Variants in CHEK1 observed in about 807,000 individuals in gnomAD.
The protein encoded by CHEK1 is serine/threonine-protein kinase Chk1.
CHEK1 carries 32 observed loss-of-function variants against 60.2 expected under a neutral mutation model. The observed-to-expected ratio is 0.53, with a 90% CI of 0.40 to 0.71. The LOEUF is 0.71. Ranked by LOEUF, CHEK1 falls within the 30% of genes least tolerant of loss-of-function variation. CHEK1 has a pLI of 0.00. For synonymous variants in CHEK1, 179 were observed against 187.2 expected, an observed-to-expected ratio of 0.96 and a Z score of 0.36; for missense variants, 399 against 564.6, an observed-to-expected ratio of 0.71 and a Z score of 2.97.
chr11:125,653,215 T>G lies in CHEK1; in HGVS notation c.1234-531T>G, dbSNP rs1046269040. 6.6e-6 allele frequency among the ~76,000 whole-genome samples: 1 copy of G among 152,138 alleles called. No individual in the cohort carries two copies. The highest frequency in any genetic ancestry group is 1.5e-5 in the Non-Finnish European group (1 of 68,022). ...TATTATCCTCATCTGTTTGCTTGGC[T>G]TTTTGTTTTGTTTTTTTGAGACAGG... On this transcript the variant is annotated intron_variant, in intron 11 of 12. Transcript: ENST00000438015. The surrounding 1 kb of genome is among the most constrained non-coding windows in gnomAD (Gnocchi z 4.3).
chr11:125,634,707 A>G (rs1174497340), intron 6 of CHEK1, among the ~76,000 whole-genome samples: 1 of 152,164 alleles, frequency 6.6e-6, no homozygotes, highest in Non-Finnish European at 1.5e-5. Context: ...GAGTGGTCCC[A>G]TCACCAGGAC....
At chr11:125,677,935 G>C (rs1440109173), downstream of CHEK1, 1 of 1,614,050 alleles carries the variant, frequency 6.2e-7, no homozygotes, top group African/African-American at 1.3e-5. Context: ...TCATCTGAAG[G>C]CTGTTCACCT....
At chr11:125,673,731 A>G (rs1218541237) in intron 13 of CHEK1, among the ~76,000 whole-genome samples, 1 of 152,192 alleles carries the variant, frequency 6.6e-6, no homozygotes, top group Admixed American at 6.5e-5. Flanking sequence ...AGTTTCCTTT[A>G]TATACTTCCT....
intron 5 of CHEK1, among the ~76,000 whole-genome samples, chr11:125,631,886 AAAGG>A (rs1271349414): frequency 6.7e-6 from 1 of 149,922 alleles, no homozygotes; most frequent in South Asian, 2.1e-4. Context: ...AAAAAAAAAA[AAAGG>A]GTAATCACAG....
chr11:125,643,500 GA>G (rs1222371143), intron 8 of CHEK1: 2,399 of 181,732 alleles, frequency 0.013, no homozygotes, highest in East Asian at 0.024. Flanking sequence ...CTCAAAAAAA[GA>G]AAAAAAAAAA....
chr11:125,651,286 C>CTT lies in CHEK1; in HGVS notation c.1234-2442_1234-2441dup, dbSNP rs59057522. 8.4e-3 allele frequency among the ~76,000 whole-genome samples: 1,071 copies of CTT among 128,136 alleles called. 22 individuals carry two copies. Among genetic ancestry groups the CTT allele is most frequent in the African/African-American group, 0.028 (933 of 32,862 alleles). The allele number at this position is 128,136 out of a possible 152,430, so 84.1% of individuals were successfully genotyped here. ...ACAAAGGTGAAATAAAGACAAGCCTCTTTTTTTTTTTTTTTTTTTGAGATG... is the reference window on the plus strand; with the variant it reads ...ACAAAGGTGAAATAAAGACAAGCCTCTTTTTTTTTTTTTTTTTTTTTGAGATG... On this transcript the variant is annotated intron_variant, in intron 11 of 12. Transcript: ENST00000438015.
chr11:125,662,640 C>T (rs1245044800), intron 13 of CHEK1, among the ~76,000 whole-genome samples: 1 of 152,202 alleles, frequency 6.6e-6, no homozygotes, highest in Non-Finnish European at 1.5e-5. Flanking sequence ...TGTTGAAGGA[C>T]ATCTTTGTTA....
At chr11:125,668,509 T>C (rs1221096741) in intron 13 of CHEK1, among the ~76,000 whole-genome samples, 2 of 152,124 alleles carry the variant, frequency 1.3e-5, no homozygotes, top group Admixed American at 6.5e-5. Flanking sequence ...TTTTTAAAAT[T>C]TCATTTTAAT....
intron 2 of CHEK1, among the ~76,000 whole-genome samples, chr11:125,627,108 T>C (rs570854479): frequency 6.6e-6 from 1 of 152,322 alleles, no homozygotes; most frequent in South Asian, 2.1e-4. Context: ...ATGAGCAGAC[T>C]CTGGAGATTG....
At chr11:125,626,710 T>C (rs945101438) in intron 1 of CHEK1, 39 bp from the exon 2 acceptor site, 77 of 1,598,852 alleles carry the variant, frequency 4.8e-5, no homozygotes, top group Non-Finnish European at 6.3e-5. Context: ...ACTGGTGATC[T>C]TACACTCTAC....
intron 6 of CHEK1, among the ~76,000 whole-genome samples, chr11:125,634,159 T>C (rs1235815849): frequency 6.6e-6 from 1 of 151,992 alleles, no homozygotes; most frequent in African/African-American, 2.4e-5. Flanking sequence ...CACACCCGGC[T>C]AATTTTTGTA....
chr11:125,651,131 A>G (rs1230958820), intron 11 of CHEK1, among the ~76,000 whole-genome samples: 2 of 151,888 alleles, frequency 1.3e-5, no homozygotes, highest in Non-Finnish European at 2.9e-5. Context: ...TCTTCTTCCA[A>G]ACTTCTTGGG....
At position 125,628,811 on chromosome 11, in the gene CHEK1, A is replaced by G. The variant is rs74316551; in HGVS notation, c.290-421A>G. On this transcript the variant is annotated intron_variant, in intron 3 of 12. Transcript: ENST00000438015. ...AAAAGTTAAATTATAAAAGAAGTATAATCTGTAAAATATTTAGTGAAATTG... is the reference window on the plus strand; with the variant it reads ...AAAAGTTAAATTATAAAAGAAGTATGATCTGTAAAATATTTAGTGAAATTG... Among the ~76,000 whole-genome samples the G allele has an allele frequency of 7.5e-3, 1,137 of 152,288 alleles. 13 individuals are homozygous for G. The highest frequency in any genetic ancestry group is 0.026 in the African/African-American group (1,088 of 41,558).
intron 3 of CHEK1, among the ~76,000 whole-genome samples, chr11:125,628,393 T>C (rs1271292447): frequency 1.3e-5 from 2 of 152,170 alleles, no homozygotes; most frequent in African/African-American, 4.8e-5. Context: ...TCTAAATTTA[T>C]AATTTAAATT....
chr11:125,627,502 G>A, intron 2 of CHEK1, 105 bp from the exon 3 acceptor site: 1 of 887,692 alleles, frequency 1.1e-6, no homozygotes, highest in East Asian at 2.7e-5. Flanking sequence ...TCTCCTTTGT[G>A]GAAAAAGTAA....
At chr11:125,660,245 G>A (rs1252373606), downstream of CHEK1, among the ~76,000 whole-genome samples, 1 of 152,100 alleles carries the variant, frequency 6.6e-6, no homozygotes, top group Non-Finnish European at 1.5e-5. Context: ...CAATTGTTGG[G>A]TACAGGCTTC....
At chr11:125,627,465 A>G in intron 2 of CHEK1, 142 bp from the exon 3 acceptor site, 1 of 640,412 alleles carries the variant, frequency 1.6e-6, no homozygotes, top group Non-Finnish European at 2.7e-6. Flanking sequence ...GTGTGTTGAG[A>G]ACATAGCAGA....
At position 125,625,840 on chromosome 11, in the gene CHEK1, TCTC is replaced by T. The variant is rs1940566951; in HGVS notation, c.-191_-189del. ...GCAGCCCTGGGCGGGAGCGGCAACA[TCTC>T]CACGTCACCCTTTTGGAGCCGCCGA... On this transcript the variant is annotated 5_prime_UTR_variant, in exon 1 of 13. Coordinates refer to ENST00000438015, the MANE Select transcript of CHEK1 (RefSeq NM_001114122.3). 7 of 702,464 alleles carry T rather than the reference TCTC, an allele frequency of 1.0e-5. No individual in the cohort carries two copies. The East Asian group carries it at 1.9e-4, about 19-fold the overall frequency. The allele number at this position is 702,464 out of a possible 1,614,324, so 43.5% of individuals were successfully genotyped here. A position where few individuals can be genotyped will look rare whatever the true frequency, so the allele number is the denominator to read the frequency against.
At chr11:125,650,197 G>A (rs1010574335) in intron 11 of CHEK1, among the ~76,000 whole-genome samples, 9 of 150,942 alleles carry the variant, frequency 6.0e-5, no homozygotes, top group South Asian at 2.1e-4. Context: ...TATGTTTATT[G>A]TTGGTATACT....
Sources: allele counts gnomAD v4.1 joint callset (sites outside exome capture counted in the v4.1 genomes callset), GRCh38; gene constraint gnomAD v4.1.1; non-coding constraint Gnocchi (gnomAD v3.1); transcripts MANE v1.5; gene names NCBI Gene and HGNC (gene_info 2026-07-23, HGNC 2026-07-21).